Variants in MCUB observed in about 807,000 individuals in gnomAD.
The protein encoded by MCUB is mitochondrial calcium uniporter dominant negative subunit beta.
In MCUB, 46 loss-of-function variants were observed where a neutral mutation model predicts 41.4. That is an observed-to-expected ratio of 1.11 (90% confidence interval 0.88 to 1.42). The LOEUF is 1.42. MCUB is among the 40% of genes most tolerant of loss of function. The pLI is 0.00. For synonymous variants in MCUB, 148 were observed against 148.2 expected (o/e 1.00, Z 0.01); for missense variants, 403 against 404.9 (o/e 1.00, Z 0.04).
chr4:109,682,705 T>C lies in MCUB; in HGVS notation c.575T>C (p.Ile192Thr), dbSNP rs888196046. 6.2e-6 allele frequency: 10 copies of C among 1,613,800 alleles called. No homozygotes were observed. The African/African-American group carries it at 6.7e-5, about 11-fold the overall frequency. The change falls in exon 5 of 8, where the codon ATT (isoleucine) becomes ACT (threonine). Residue 192 changes from isoleucine (I) to threonine (T), a missense_variant. By Grantham distance (89) the Ile-to-Thr change is moderately conservative. Transcript: ENST00000394650. ...KKREHHLLEK[I>T]DHLKEQLQPL... The stretch of plus-strand genomic sequence containing the variant: ...AGAGAGCACCATTTACTGGAGAAAA[T>C]TGACCACCTGAAGGAACAGCTGCAG...
chr4:109,618,696 G>A (rs920675505), intron 1 of MCUB, among the ~76,000 whole-genome samples: 7 of 152,122 alleles, frequency 4.6e-5, no homozygotes, highest in Admixed American at 1.3e-4. Context: ...AGAACCTATA[G>A]GGGAAATAAA....
At chr4:109,681,712 G>A (rs1330212227) in intron 4 of MCUB, among the ~76,000 whole-genome samples, 1 of 152,348 alleles carries the variant, frequency 6.6e-6, no homozygotes, top group African/African-American at 2.4e-5. Flanking sequence ...GATCTGGAGC[G>A]GCAAAGGGGT....
intron 1 of MCUB, among the ~76,000 whole-genome samples, chr4:109,602,405 G>A (rs761549708): frequency 6.6e-6 from 1 of 152,148 alleles, no homozygotes; most frequent in Non-Finnish European, 1.5e-5. Context: ...AAGAAATAGG[G>A]GTTTAGTTTC....
intron 6 of MCUB, 149 bp downstream of exon 6, chr4:109,684,795 CTGAA>C (rs1398610367): frequency 8.8e-6 from 5 of 570,034 alleles, no homozygotes; most frequent in African/African-American, 3.8e-5. Flanking sequence ...TTTCACAAGA[CTGAA>C]TGAAGACTCA....
At chr4:109,564,635 G>T (rs1184032964) in intron 1 of MCUB, among the ~76,000 whole-genome samples, 2 of 152,176 alleles carry the variant, frequency 1.3e-5, no homozygotes, top group Non-Finnish European at 2.9e-5. Context: ...ATGCAAACCT[G>T]ATCTACAATA....
intron 1 of MCUB, among the ~76,000 whole-genome samples, chr4:109,622,533 C>A (rs557730563): frequency 5.3e-5 from 8 of 152,272 alleles, no homozygotes; most frequent in African/African-American, 1.9e-4. Context: ...TTCTGGACTG[C>A]AAGGATGTTT....
intron 1 of MCUB, among the ~76,000 whole-genome samples, chr4:109,583,439 T>C (rs1291614665): frequency 6.6e-6 from 1 of 152,226 alleles, no homozygotes; most frequent in Non-Finnish European, 1.5e-5. Flanking sequence ...CTGAAGTTGC[T>C]TATCAGCTTA....
intron 1 of MCUB, among the ~76,000 whole-genome samples, chr4:109,626,294 A>G (rs1220967351): frequency 6.6e-6 from 1 of 152,186 alleles, no homozygotes; most frequent in Admixed American, 6.5e-5. Flanking sequence ...CTTATCACAA[A>G]TTTTCTTTTC....
At chr4:109,654,368 T>C (rs1729029524) in intron 1 of MCUB, among the ~76,000 whole-genome samples, 1 of 152,090 alleles carries the variant, frequency 6.6e-6, no homozygotes, top group African/African-American at 2.4e-5. Flanking sequence ...CCCAGCACTT[T>C]GGGAGGCCGA....
intron 1 of MCUB, among the ~76,000 whole-genome samples, chr4:109,571,336 T>C (rs1726909827): frequency 6.6e-6 from 1 of 152,072 alleles, no homozygotes; most frequent in Admixed American, 6.6e-5. Context: ...TATTTGAGAC[T>C]GAGTCTCACT....
intron 1 of MCUB, among the ~76,000 whole-genome samples, chr4:109,637,884 C>G (rs1728629749): frequency 6.6e-6 from 1 of 152,012 alleles, no homozygotes; most frequent in African/African-American, 2.4e-5. Flanking sequence ...TTCCCAAAAC[C>G]CATTGAAATA....
intron 1 of MCUB, among the ~76,000 whole-genome samples, chr4:109,596,866 A>C (rs1018755687): frequency 1.2e-4 from 18 of 151,456 alleles, no homozygotes; most frequent in Admixed American, 1.2e-3. Context: ...TTTCCTAGGC[A>C]GAGGACCCTG....
At chr4:109,654,139 A>T (rs371617609) in intron 1 of MCUB, among the ~76,000 whole-genome samples, 21 of 152,014 alleles carry the variant, frequency 1.4e-4, no homozygotes, top group African/African-American at 4.8e-4. Context: ...TTAGCATTTA[A>T]TTCCTCATGT....
chr4:109,565,586 TTAAAG>T (rs1323031903), intron 1 of MCUB, among the ~76,000 whole-genome samples: 16 of 152,184 alleles, frequency 1.1e-4, no homozygotes, highest in Non-Finnish European at 8.8e-5. Flanking sequence ...ATTAATACTG[TTAAAG>T]TAAATGCGAT....
At chr4:109,678,501 T>C (rs1246423839) in intron 4 of MCUB, among the ~76,000 whole-genome samples, 21 of 101,010 alleles carry the variant, frequency 2.1e-4, no homozygotes, top group East Asian at 6.8e-4. Context: ...GCGCTCCCCA[T>C]TTCCCAGATG....
intron 4 of MCUB, among the ~76,000 whole-genome samples, chr4:109,671,725 T>G (rs1729463302): frequency 6.6e-6 from 1 of 152,232 alleles, no homozygotes. Flanking sequence ...CTGGTTCTGA[T>G]GCTTGTTTTG....
chr4:109,611,618 A>G lies in MCUB; in HGVS notation c.100-47393A>G, dbSNP rs1364134529. On this transcript the variant is annotated intron_variant, in intron 1 of 7. Transcript: ENST00000394650. The stretch of plus-strand genomic sequence containing the variant: ...TTAGTGGAGATAATAGAGATATTCA[A>G]TTCCTTAGATATCATACAAGTGAGG... 2.6e-5 allele frequency among the ~76,000 whole-genome samples: 4 copies of G among 152,344 alleles called. No homozygotes were observed. In the South Asian group the frequency reaches 6.2e-4, roughly 24 times the overall value.
At chr4:109,620,192 C>T (rs971684772) in intron 1 of MCUB, among the ~76,000 whole-genome samples, 1 of 152,012 alleles carries the variant, frequency 6.6e-6, no homozygotes, top group Non-Finnish European at 1.5e-5. Flanking sequence ...ACAGATGCCT[C>T]GATTACTTCT....
chr4:109,590,304 CT>C (rs1727400609), intron 1 of MCUB, among the ~76,000 whole-genome samples: 2 of 152,114 alleles, frequency 1.3e-5, no homozygotes, highest in African/African-American at 2.4e-5. Context: ...CTATAATTGG[CT>C]TACCCTTTTG....
Sources: allele counts gnomAD v4.1 joint callset (sites outside exome capture counted in the v4.1 genomes callset), GRCh38; gene constraint gnomAD v4.1.1; transcripts MANE v1.5; gene names NCBI Gene and HGNC (gene_info 2026-07-23, HGNC 2026-07-21).